ADGRL1: variants seen among roughly 807,000 people sequenced by gnomAD.
ADGRL1 encodes adhesion G protein-coupled receptor L1.
ADGRL1 carries 31 observed loss-of-function variants against 148.9 expected under a neutral mutation model. The ratio of observed to expected loss-of-function variants is 0.21; its 90% CI spans 0.16 to 0.28. ADGRL1 has a LOEUF of 0.28. Ranked by LOEUF, ADGRL1 falls within the 10% of genes least tolerant of loss-of-function variation. The pLI is 1.00. For synonymous variants in ADGRL1, 937 were observed against 900.3 expected (o/e 1.04, Z -0.73); for missense variants, 1,521 against 2,058.8 (o/e 0.74, Z 5.05).
Position 14,201,605 on chromosome 19 carries a change from C to T in ADGRL1, c.-96+4380G>A, listed in dbSNP as rs569650016. ...ACTATTAAAAAAAAAATTTTAGAAA[C>T]GAGTCTTGCTATGTTGCCCAGGCTG... On this transcript the variant is annotated intron_variant, in intron 1 of 22. Coordinates refer to ENST00000361434, the MANE Select transcript of ADGRL1 (RefSeq NM_014921.5). Among the ~76,000 whole-genome samples the T allele has an allele frequency of 3.9e-5, 6 of 152,004 alleles. No individual in the cohort carries two copies. In the South Asian group the frequency reaches 8.3e-4, roughly 21 times the overall value.
At chr19:14,205,660 C>A (rs1375751574) in intron 1 of ADGRL1, among the ~76,000 whole-genome samples, 1 of 151,496 alleles carries the variant, frequency 6.6e-6, no homozygotes, top group Non-Finnish European at 1.5e-5. Flanking sequence ...GGCGCGCGCG[C>A]GGGCACACGC....
At chr19:14,176,461 CCACA>C (rs1227287842) in intron 3 of ADGRL1, among the ~76,000 whole-genome samples, 1 of 152,178 alleles carries the variant, frequency 6.6e-6, no homozygotes. Flanking sequence ...AGCATTCACC[CCACA>C]CACAATCACT....
At chr19:14,201,820 C>T (rs1972631749) in intron 1 of ADGRL1, among the ~76,000 whole-genome samples, 1 of 152,132 alleles carries the variant, frequency 6.6e-6, no homozygotes, top group South Asian at 2.1e-4. Context: ...TTGGATCCTC[C>T]TCACAGACAC....
At chr19:14,181,830 T>A (rs994143537) in intron 2 of ADGRL1, among the ~76,000 whole-genome samples, 1 of 152,170 alleles carries the variant, frequency 6.6e-6, no homozygotes, top group Admixed American at 6.5e-5. Flanking sequence ...CCTGCAGGGA[T>A]CCTGTGCCTT....
Position 14,158,322 on chromosome 19 carries a change from G to A in ADGRL1, c.2364+16C>T. The A allele has an allele frequency of 3.1e-6, 5 of 1,611,862 alleles. No homozygotes were observed. Among genetic ancestry groups the A allele is most frequent in the Non-Finnish European group, 4.2e-6 (5 of 1,179,102 alleles). Reference sequence around the variant, plus strand: ...TACAGGGACCCCCATGGAGGGAGGGGGACGGCTCAGCTCACCTCCAGGTGG... The same window carrying A: ...TACAGGGACCCCCATGGAGGGAGGGAGACGGCTCAGCTCACCTCCAGGTGG... On this transcript the variant is annotated intron_variant, in intron 12 of 22. Transcript: ENST00000361434.
intron 3 of ADGRL1, 120 bp from the exon 4 acceptor site, chr19:14,170,911 C>G (rs918425310): frequency 6.5e-6 from 4 of 619,838 alleles, no homozygotes; most frequent in East Asian, 5.6e-5. Context: ...GGCAGTGGAG[C>G]TGGAAACCAA....
At chr19:14,197,231 C>T (rs1166926758) in intron 1 of ADGRL1, among the ~76,000 whole-genome samples, 1 of 152,204 alleles carries the variant, frequency 6.6e-6, no homozygotes, top group East Asian at 1.9e-4. Context: ...ATGATCATGC[C>T]ACTGCACTCC....
intron 22 of ADGRL1, 55 bp from the exon 23 acceptor site, chr19:14,151,670 GGACAGT>G (rs1968214363): frequency 6.7e-7 from 1 of 1,492,388 alleles, no homozygotes; most frequent in African/African-American, 1.4e-5. Flanking sequence ...ATGCACTAGG[GGACAGT>G]GAGGGGGTGC....
Position 14,170,689 on chromosome 19 carries a change from G to T in ADGRL1, c.387C>A (p.Val129=), listed in dbSNP as rs1332808406. The change falls in exon 4 of 23, where the codon GTC becomes GTA. Residue 129 remains valine (V), a synonymous_variant. Coordinates refer to ENST00000361434, the MANE Select transcript of ADGRL1 (RefSeq NM_014921.5). Reference sequence around the variant, plus strand: ...AGGAACAAGATGACTCACTGTAGGGGACACAGTCGTACTGCACCTCCAGGT... The same window carrying T: ...AGGAACAAGATGACTCACTGTAGGGTACACAGTCGTACTGCACCTCCAGGT... ...YKYLEVQYDC[V]PYIFVCPGTL... 1.9e-6 allele frequency: 3 copies of T among 1,604,852 alleles called. No homozygotes were observed. The African/African-American group carries it at 4.0e-5, about 21-fold the overall frequency.
intron 4 of ADGRL1, chr19:14,169,622 G>A (rs573649877): frequency 6.6e-6 from 1 of 152,388 alleles, no homozygotes; most frequent in African/African-American, 2.4e-5. Flanking sequence ...CCTGTGAGGA[G>A]AAATCAAAGG....
chr19:14,166,887 G>T, intron 4 of ADGRL1: 1 of 965,242 alleles, frequency 1.0e-6, no homozygotes, highest in South Asian at 1.4e-5. Flanking sequence ...ACCCAGGGTG[G>T]GGGATACCGA....
intron 1 of ADGRL1, among the ~76,000 whole-genome samples, chr19:14,191,765 G>T (rs961430487): frequency 6.6e-6 from 1 of 151,028 alleles, no homozygotes; most frequent in African/African-American, 2.4e-5. Context: ...GCACAATCCC[G>T]GCTCATTGCA....
Position 14,152,243 on chromosome 19 carries a change from T to C in ADGRL1, c.3649+66A>G, listed in dbSNP as rs759827443. 2.5e-6 allele frequency: 4 copies of C among 1,613,552 alleles called. No individual in the cohort carries two copies. Among genetic ancestry groups the C allele is most frequent in the Non-Finnish European group, 3.4e-6 (4 of 1,179,714 alleles). Reference sequence around the variant, plus strand: ...CAGTTCTGGGGCACAGAACATCCCATGCAGAGGTCCCTTGGGACACAAACC... The same window carrying C: ...CAGTTCTGGGGCACAGAACATCCCACGCAGAGGTCCCTTGGGACACAAACC... On this transcript the variant is annotated intron_variant, in intron 21 of 22. Transcript: ENST00000361434. This position sits in a 1 kb window ranked among gnomAD's most constrained non-coding sequence, Gnocchi z 6.1.
At chr19:14,184,389 C>T (rs2145039189) in intron 1 of ADGRL1, among the ~76,000 whole-genome samples, 1 of 151,784 alleles carries the variant, frequency 6.6e-6, no homozygotes, top group East Asian at 1.9e-4. Context: ...TCCCCACCTG[C>T]TCTGTCCCCA....
At chr19:14,197,360 G>A (rs1972324897) in intron 1 of ADGRL1, among the ~76,000 whole-genome samples, 1 of 150,848 alleles carries the variant, frequency 6.6e-6, no homozygotes, top group South Asian at 2.1e-4. Context: ...CCCTGCCCCC[G>A]CCCCCAACAC....
At position 14,150,069 on chromosome 19, in the gene ADGRL1, C is replaced by T. The variant is rs917727626; in HGVS notation, c.*804G>A. On this transcript the variant is annotated 3_prime_UTR_variant, in exon 23 of 23. Coordinates refer to ENST00000361434, the MANE Select transcript of ADGRL1 (RefSeq NM_014921.5). ...GACCCACTCCCCAGGGAGATCCAGA[C>T]CCAAAATCTGCTCCCCAGATAGCCG... 4 of 152,220 alleles carry T rather than the reference C, an allele frequency of 2.6e-5. No individual in the cohort carries two copies. Among genetic ancestry groups the T allele is most frequent in the Admixed American group, 6.6e-5 (1 of 15,264 alleles). 9.4% of individuals were successfully genotyped at this position (152,220 alleles called of 1,614,324 possible).
chr19:14,179,617 A>G (rs928162863), intron 2 of ADGRL1, among the ~76,000 whole-genome samples: 1 of 151,708 alleles, frequency 6.6e-6, no homozygotes, highest in Non-Finnish European at 1.5e-5. Flanking sequence ...CTTAAGACAC[A>G]TGGTCTAGGC....
chr19:14,193,736 G>A (rs533541136), intron 1 of ADGRL1, among the ~76,000 whole-genome samples: 1 of 152,336 alleles, frequency 6.6e-6, no homozygotes, highest in East Asian at 1.9e-4. Flanking sequence ...TTATACAAAG[G>A]AGAAACCTGG....
chr19:14,183,484 C>G (rs371825713), intron 2 of ADGRL1, 49 bp downstream of exon 2: 31 of 1,386,440 alleles, frequency 2.2e-5, no homozygotes, highest in East Asian at 5.0e-5. Context: ...CTGCCCCCCC[C>G]AGAAGGGTTT....
Sources: gnomAD v4.1 joint callset for allele counts (sites outside exome capture counted in the v4.1 genomes callset) on GRCh38, gnomAD v4.1.1 for gene constraint, Gnocchi (gnomAD v3.1) non-coding constraint, MANE v1.5 for transcripts, NCBI Gene and HGNC (gene_info 2026-07-23, HGNC 2026-07-21) for gene names.